Variants in DAB1 observed in about 807,000 individuals in gnomAD.
The protein encoded by DAB1 is DAB adaptor protein 1, also known as disabled homolog 1.
A neutral mutation model predicts 64.6 loss-of-function variants in DAB1; 15 were observed. That is an observed-to-expected ratio of 0.23 (90% CI 0.16 to 0.36). The LOEUF (loss-of-function observed/expected upper bound fraction) is 0.36. Ranked by LOEUF, DAB1 falls within the 10% of genes least tolerant of loss-of-function variation. DAB1 has a pLI of 1.00. For missense variants in DAB1, 596 were observed against 706.7 expected (o/e 0.84, Z 1.78); for synonymous variants, 235 against 251.9 (o/e 0.93, Z 0.64).
intron 4 of DAB1, among the ~76,000 whole-genome samples, chr1:57,090,724 C>T (rs959485598): frequency 3.3e-5 from 5 of 152,094 alleles, no homozygotes; most frequent in South Asian, 4.1e-4. Flanking sequence ...TTATACATTT[C>T]CTTTAAGTGT....
At chr1:57,145,170 C>T in intron 3 of DAB1, 120 bp downstream of exon 3, 1 of 1,006,810 alleles carries the variant, frequency 9.9e-7, no homozygotes. Context: ...GGTGATTCAA[C>T]AGTAAGCCAA....
At chr1:57,545,941 T>A (rs1266366404) in intron 7 of DAB1, among the ~76,000 whole-genome samples, 1 of 152,128 alleles carries the variant, frequency 6.6e-6, no homozygotes, top group African/African-American at 2.4e-5. Flanking sequence ...CATAATAAAG[T>A]CATTGTTCTC....
chr1:58,154,016 A>G (rs1218588405), intron 4 of DAB1, among the ~76,000 whole-genome samples: 1 of 151,424 alleles, frequency 6.6e-6, no homozygotes, highest in Non-Finnish European at 1.5e-5. Context: ...CAAATTTCCT[A>G]TGTGCCCTGC....
chr1:57,956,012 C>T (rs1332242454), intron 5 of DAB1, among the ~76,000 whole-genome samples: 5 of 152,100 alleles, frequency 3.3e-5, no homozygotes, highest in Non-Finnish European at 7.3e-5. Context: ...GCTTCAGAAA[C>T]TCACCTTCCT....
intron 1 of DAB1, among the ~76,000 whole-genome samples, chr1:57,882,285 T>C (rs114409094): frequency 1.2e-3 from 182 of 152,312 alleles, no homozygotes; most frequent in African/African-American, 4.1e-3. Flanking sequence ...TCTTCTCTGC[T>C]GGATTCCAAA....
At chr1:58,394,168 G>C (rs1644499697) in intron 3 of DAB1, among the ~76,000 whole-genome samples, 1 of 152,116 alleles carries the variant, frequency 6.6e-6, no homozygotes. Context: ...ACCTCAATGA[G>C]ATATGATTGC....
At chr1:57,024,890 G>A (rs1646736005) in intron 10 of DAB1, among the ~76,000 whole-genome samples, 1 of 152,232 alleles carries the variant, frequency 6.6e-6, no homozygotes, top group South Asian at 2.1e-4. Flanking sequence ...GGGGACAGAG[G>A]CTGCAGTCCC....
intron 3 of DAB1, among the ~76,000 whole-genome samples, chr1:58,498,241 T>TA (rs56349030): frequency 1.4e-3 from 199 of 143,588 alleles, no homozygotes; most frequent in African/African-American, 2.3e-3. Flanking sequence ...AACTAAAAGT[T>TA]AAAAAAAAAA....
intron 1 of DAB1, among the ~76,000 whole-genome samples, chr1:57,879,571 T>C (rs1392047763): frequency 6.6e-6 from 1 of 152,198 alleles, no homozygotes; most frequent in African/African-American, 2.4e-5. Flanking sequence ...TAATCTGTGG[T>C]TGGCCAGCAT....
intron 4 of DAB1, among the ~76,000 whole-genome samples, chr1:58,158,187 G>A (rs914233160): frequency 2.0e-5 from 3 of 152,084 alleles, no homozygotes; most frequent in Non-Finnish European, 4.4e-5. Flanking sequence ...TATGCACTGA[G>A]CCACAGACCC....
intron 5 of DAB1, among the ~76,000 whole-genome samples, chr1:58,127,750 G>C (rs1472805162): frequency 3.3e-5 from 5 of 151,484 alleles, no homozygotes; most frequent in African/African-American, 4.8e-5. Flanking sequence ...TCTCAGGTTT[G>C]TCAAAGATCA....
At chr1:57,686,911 A>G (rs563598990) in intron 6 of DAB1, among the ~76,000 whole-genome samples, 5 of 152,300 alleles carry the variant, frequency 3.3e-5, no homozygotes, top group East Asian at 1.9e-4. Context: ...AATAATAACT[A>G]TCTATGACAA....
At chr1:57,063,164 T>C (rs1650569710) in intron 8 of DAB1, among the ~76,000 whole-genome samples, 1 of 152,010 alleles carries the variant, frequency 6.6e-6, no homozygotes, top group Admixed American at 6.6e-5. Flanking sequence ...AACAAAGGTT[T>C]ATAGGTCGTC....
chr1:58,510,634 C>G (rs180766213), intron 2 of DAB1, among the ~76,000 whole-genome samples: 189 of 151,630 alleles, frequency 1.2e-3, no homozygotes, highest in Non-Finnish European at 2.4e-3. Context: ...GGCAATGAGG[C>G]AAGAGAAAGA....
At chr1:58,103,740 C>T (rs1570356043) in intron 5 of DAB1, among the ~76,000 whole-genome samples, 1 of 152,112 alleles carries the variant, frequency 6.6e-6, no homozygotes, top group East Asian at 1.9e-4. Context: ...GAGATTAGTG[C>T]CTTACTTGCA....
chr1:57,188,991 G>C (rs1663869844), intron 2 of DAB1, among the ~76,000 whole-genome samples: 1 of 152,124 alleles, frequency 6.6e-6, no homozygotes, highest in Admixed American at 6.5e-5. Flanking sequence ...ATTTGCCTAA[G>C]GTCTCATAGC....
chr1:57,466,552 C>T (rs1290252585), intron 7 of DAB1, among the ~76,000 whole-genome samples: 2 of 152,176 alleles, frequency 1.3e-5, no homozygotes, highest in African/African-American at 4.8e-5. Context: ...ATCACAAATT[C>T]ACCAGCTTAA....
At chr1:57,204,092 G>A (rs1665335843) in intron 2 of DAB1, among the ~76,000 whole-genome samples, 1 of 152,102 alleles carries the variant, frequency 6.6e-6, no homozygotes, top group South Asian at 2.1e-4. Flanking sequence ...GTTTCACCAT[G>A]TTGACCAGGA....
intron 6 of DAB1, among the ~76,000 whole-genome samples, chr1:57,654,089 G>A (rs1419818233): frequency 6.6e-6 from 1 of 152,140 alleles, no homozygotes; most frequent in East Asian, 1.9e-4. Flanking sequence ...ACAATAGTGA[G>A]ATAGAACATT....
Sources: allele counts gnomAD v4.1 joint callset (sites outside exome capture counted in the v4.1 genomes callset), GRCh38; gene constraint gnomAD v4.1.1; transcripts MANE v1.5; gene names NCBI Gene and HGNC (gene_info 2026-07-23, HGNC 2026-07-21).